TIMP4: variants seen among roughly 807,000 people sequenced by gnomAD.
TIMP4 encodes TIMP metallopeptidase inhibitor 4.
A neutral mutation model predicts 27.3 loss-of-function variants in TIMP4; 28 were observed. The ratio of observed to expected loss-of-function variants is 1.03; its 90% CI spans 0.76 to 1.41. The LOEUF is 1.41. Among genes scored for constraint, TIMP4 ranks in the 40% most tolerant of loss-of-function variants. The probability of loss-of-function intolerance (pLI) is 0.00; values close to 1 mark genes in which losing one functional copy is unlikely to be tolerated. For missense variants in TIMP4, 307 were observed against 285.5 expected, an observed-to-expected ratio of 1.08 and a Z score of -0.54; for synonymous variants, 138 against 115.5, an observed-to-expected ratio of 1.20 and a Z score of -1.25.
chr3:12,158,542 C>T (rs897349451), intron 1 of TIMP4, 160 bp downstream of exon 1: 92 of 1,060,516 alleles, frequency 8.7e-5, no homozygotes, highest in Middle Eastern at 2.1e-4. Context: ...TGCAAGGTTG[C>T]TATGGCGCCT....
intron 3 of TIMP4, among the ~76,000 whole-genome samples, chr3:12,155,990 C>T (rs113912171): frequency 6.6e-6 from 1 of 152,178 alleles, no homozygotes; most frequent in African/African-American, 2.4e-5. Flanking sequence ...ATTGTAGCCT[C>T]CAGTGCCTAT....
rs1697551520 is a variant in TIMP4, at chr3:12,158,897, A to AG, written c.-58dup. ...GTCTGGGGGACTGGACGGCCCCAGC[A>AG]GGGCTCCTTCCCAAGGCCGTTGTGC... On this transcript the variant is annotated 5_prime_UTR_variant, in exon 1 of 5. Transcript: ENST00000287814. 2 of 1,465,152 alleles carry AG rather than the reference A, an allele frequency of 1.4e-6. No individual in the cohort carries two copies. Among genetic ancestry groups the AG allele is most frequent in the Non-Finnish European group, 1.8e-6 (2 of 1,109,858 alleles). 90.8% of individuals were successfully genotyped at this position (1,465,152 alleles called of 1,614,324 possible).
At chr3:12,155,641 A>G (rs1457559025) in intron 3 of TIMP4, among the ~76,000 whole-genome samples, 1 of 152,210 alleles carries the variant, frequency 6.6e-6, no homozygotes, top group African/African-American at 2.4e-5. Flanking sequence ...ACACCAGGCA[A>G]AGGAGCTTGT....
rs537434298 is a variant in TIMP4 at position 12,158,880 on chromosome 3, G to A, written c.-40C>T. On this transcript the variant is annotated 5_prime_UTR_variant, in exon 1 of 5. Coordinates refer to ENST00000287814, the MANE Select transcript of TIMP4 (RefSeq NM_003256.4). ...GCGACTGAGCCTGTGAGGTCTGGGG[G>A]ACTGGACGGCCCCAGCAGGGCTCCT... 4 of 1,502,780 alleles carry A rather than the reference G, an allele frequency of 2.7e-6. No homozygotes were observed. The highest frequency in any genetic ancestry group is 2.4e-5 in the East Asian group (1 of 40,950). 93.1% of individuals were successfully genotyped at this position (1,502,780 alleles called of 1,614,324 possible).
At chr3:12,154,267 A>C in intron 4 of TIMP4, 60 bp downstream of exon 4, 1 of 1,608,986 alleles carries the variant, frequency 6.2e-7, no homozygotes, top group Admixed American at 1.7e-5. Context: ...TTCATGCATG[A>C]ATGAAGGCTC....
At position 12,157,425 on chromosome 3, in the gene TIMP4, T is replaced by G; in HGVS notation, c.197A>C (p.Asp66Ala). Residue 66 changes from aspartate (D) to alanine (A), a missense_variant, in exon 2 of 5, where the codon GAC (aspartate) becomes GCC (alanine). Transcript: ENST00000287814. The stretch of plus-strand genomic sequence containing the variant: ...TTCATACCGGAGCATTTTTTCAGTG[T>G]CAGCAGGGTCTGCACTGGCCGGAAC... ...KVVPASADPA[D>A]TEKMLRYEIK... The G allele has an allele frequency of 1.2e-6, 2 of 1,614,196 alleles. No homozygotes were observed. Among genetic ancestry groups the G allele is most frequent in the Non-Finnish European group, 1.7e-6 (2 of 1,180,032 alleles).
rs371634274 is a variant in TIMP4, at chr3:12,158,685, G to T, written c.139+17C>A. The T allele has an allele frequency of 6.2e-5, 100 of 1,608,918 alleles. No homozygotes were observed. The African/African-American group carries it at 1.1e-3, about 17-fold the overall frequency. On this transcript the variant is annotated intron_variant, in intron 1 of 4. Transcript: ENST00000287814. ...ACAACCACCCCCTGCTGTGGACCTCGCGGACCTCGGACTCACCAAGTGCCG... is the reference window on the plus strand; with the variant it reads ...ACAACCACCCCCTGCTGTGGACCTCTCGGACCTCGGACTCACCAAGTGCCG...
Position 12,153,401 on chromosome 3 carries a change from C to T in TIMP4, c.*114G>A. ...CAGTGGCCAGACTGTCCACTTGGCA[C>T]TTCTTATTAGCTGGCAGCAAGAGGT... On this transcript the variant is annotated 3_prime_UTR_variant, in exon 5 of 5. Transcript: ENST00000287814. 7.9e-7 allele frequency: 1 copy of T among 1,268,334 alleles called. No individual in the cohort carries two copies. Among genetic ancestry groups the T allele is most frequent in the Non-Finnish European group, 1.1e-6 (1 of 876,298 alleles). 78.6% of individuals were successfully genotyped at this position (1,268,334 alleles called of 1,614,324 possible).
chr3:12,156,686 CA>C, intron 3 of TIMP4, 133 bp downstream of exon 3: 1 of 634,016 alleles, frequency 1.6e-6, no homozygotes, highest in South Asian at 2.2e-5. Flanking sequence ...GTCACTAACA[CA>C]GCTCTGTTTT....
At chr3:12,157,301 G>A (rs904620987) in intron 2 of TIMP4, 84 bp downstream of exon 2, 4 of 1,345,614 alleles carry the variant, frequency 3.0e-6, no homozygotes, top group Middle Eastern at 1.8e-4. Flanking sequence ...CAGGCCACCT[G>A]AAAGCTACCA....
chr3:12,154,600 A>G (rs1697402055), intron 3 of TIMP4, 149 bp from the exon 4 acceptor site: 1 of 758,482 alleles, frequency 1.3e-6, no homozygotes, highest in Non-Finnish European at 2.1e-6. Flanking sequence ...ACCAATAAAT[A>G]AAACTACTAT....
At chr3:12,154,861 C>G (rs547128935) in intron 3 of TIMP4, among the ~76,000 whole-genome samples, 152 of 76,872 alleles carry the variant, frequency 2.0e-3, no homozygotes, top group Middle Eastern at 8.9e-3. Context: ...TATAAAGTTC[C>G]CAGCACAGTT....
chr3:12,154,288 C>T, intron 4 of TIMP4, 39 bp downstream of exon 4: 2 of 1,613,672 alleles, frequency 1.2e-6, no homozygotes, highest in Non-Finnish European at 1.7e-6. Flanking sequence ...AGAACCCTTC[C>T]CCCATCCCTA....
chr3:12,154,477 A>G (rs747782653), intron 3 of TIMP4, 26 bp from the exon 4 acceptor site: 2 of 1,612,906 alleles, frequency 1.2e-6, no homozygotes, highest in South Asian at 1.1e-5. Flanking sequence ...GAGGAGAGTC[A>G]AGCATCAGGA....
chr3:12,154,308 G>A lies in TIMP4; in HGVS notation c.477+19C>T. 1.9e-6 allele frequency: 3 copies of A among 1,614,130 alleles called. No homozygotes were observed. The highest frequency in any genetic ancestry group is 2.5e-6 in the Non-Finnish European group (3 of 1,179,998). ...CCTTCCCCCATCCCTAAAGACTTTGGAAATGGACATTCCCTTACTTGGCAG... is the reference window on the plus strand; with the variant it reads ...CCTTCCCCCATCCCTAAAGACTTTGAAAATGGACATTCCCTTACTTGGCAG... On this transcript the variant is annotated intron_variant, in intron 4 of 4. Coordinates refer to ENST00000287814, the MANE Select transcript of TIMP4 (RefSeq NM_003256.4).
rs781659560 is a variant in TIMP4 at position 12,158,766 on chromosome 3, C to A, written c.75G>T (p.Gly25=). ...LRLLALLRPP[G]LGEACSCAPA... is the part of the protein sequence containing the mutation. The stretch of plus-strand genomic sequence containing the variant: ...GGGCGCAGCTGCATGCCTCACCCAG[C>A]CCCGGGGGCCGCAGCAACGCCAGCA... The change falls in exon 1 of 5, where the codon GGG becomes GGT. Residue 25 remains glycine (G), a synonymous_variant. Coordinates refer to ENST00000287814, the MANE Select transcript of TIMP4 (RefSeq NM_003256.4). 3 of 1,606,150 alleles carry A rather than the reference C, an allele frequency of 1.9e-6. No homozygotes were observed. The highest frequency in any genetic ancestry group is 2.2e-5 in the South Asian group (2 of 90,948).
chr3:12,156,830 A>T lies in TIMP4; in HGVS notation c.342T>A (p.Tyr114Ter), dbSNP rs765305630. ...VKLEANSQKQYLLTGQVLSDG... is the reference protein window; with the variant it reads ...VKLEANSQKQ ...GGTCTTTTAACTTACCAGTCAAGAG[A>T]TACTGCTTCTGGCTGTTGGCTTCTA... Residue 114 changes from tyrosine (Y) to a stop codon, truncating the protein, a stop_gained, in exon 3 of 5, where the codon TAT becomes TAA. Transcript: ENST00000287814. LOFTEE classifies it high-confidence loss of function. 1.9e-6 allele frequency: 3 copies of T among 1,613,894 alleles called. No individual in the cohort carries two copies. The highest frequency in any genetic ancestry group is 2.5e-6 in the Non-Finnish European group (3 of 1,179,782).
chr3:12,156,769 C>G, intron 3 of TIMP4, 51 bp downstream of exon 3: 1 of 1,486,312 alleles, frequency 6.7e-7, no homozygotes, highest in Non-Finnish European at 9.4e-7. Flanking sequence ...CACTACCTCC[C>G]CTAGGGCAGA....
intron 2 of TIMP4, among the ~76,000 whole-genome samples, chr3:12,157,162 A>G (rs1426720303): frequency 2.0e-5 from 3 of 152,208 alleles, no homozygotes; most frequent in South Asian, 4.1e-4. Flanking sequence ...TAGTGGCACC[A>G]TACACCAGCA....
Sources: gnomAD v4.1 joint callset for allele counts (sites outside exome capture counted in the v4.1 genomes callset) on GRCh38, gnomAD v4.1.1 for gene constraint, MANE v1.5 for transcripts, NCBI Gene and HGNC (gene_info 2026-07-23, HGNC 2026-07-21) for gene names.